Variants in SEMA5A observed in about 807,000 individuals in gnomAD.
SEMA5A encodes semaphorin-5A.
SEMA5A carries 55 observed loss-of-function variants against 135.5 expected under a neutral mutation model. The ratio of observed to expected loss-of-function variants is 0.41; its 90% CI spans 0.33 to 0.51. SEMA5A has a LOEUF of 0.51. Among genes scored for constraint, SEMA5A ranks in the 20% least tolerant of loss-of-function variants. The pLI is 0.37. For synonymous variants in SEMA5A, 580 were observed against 546.5 expected, an observed-to-expected ratio of 1.06 and a Z score of -0.85; for missense variants, 1,290 against 1,419.9, an observed-to-expected ratio of 0.91 and a Z score of 1.47.
At chr5:9,174,779 C>A (rs182947869) in intron 11 of SEMA5A, among the ~76,000 whole-genome samples, 1 of 152,342 alleles carries the variant, frequency 6.6e-6, no homozygotes, top group Non-Finnish European at 1.5e-5. Context: ...AGCTGTGCTT[C>A]CACTTTGCAC....
At chr5:9,356,280 C>T (rs1359224055) in intron 3 of SEMA5A, among the ~76,000 whole-genome samples, 7 of 152,142 alleles carry the variant, frequency 4.6e-5, no homozygotes, top group Admixed American at 6.5e-5. Context: ...AGTCAACCCA[C>T]GTTCCGTATA....
intron 3 of SEMA5A, among the ~76,000 whole-genome samples, chr5:9,374,576 A>G (rs1399306671): frequency 2.0e-5 from 3 of 152,040 alleles, no homozygotes; most frequent in African/African-American, 7.3e-5. Flanking sequence ...CAGCTGTAAC[A>G]TGAGCCATTT....
chr5:9,253,086 C>G (rs145464194), intron 5 of SEMA5A, among the ~76,000 whole-genome samples: 18 of 152,276 alleles, frequency 1.2e-4, no homozygotes, highest in African/African-American at 4.1e-4. Flanking sequence ...ACATTCCTCC[C>G]TATGCTATCA....
intron 12 of SEMA5A, among the ~76,000 whole-genome samples, chr5:9,149,056 G>C (rs937437412): frequency 7.9e-5 from 12 of 152,142 alleles, no homozygotes; most frequent in Non-Finnish European, 1.3e-4. Context: ...TGGGACAAGG[G>C]ATGTGGTGAG....
chr5:9,393,508 A>G (rs1756255618), intron 2 of SEMA5A, among the ~76,000 whole-genome samples: 1 of 152,224 alleles, frequency 6.6e-6, no homozygotes, highest in Non-Finnish European at 1.5e-5. Context: ...TCGCTCCACC[A>G]TTAACCTTAT....
intron 16 of SEMA5A, among the ~76,000 whole-genome samples, chr5:9,082,357 C>G (rs1296874141): frequency 6.6e-6 from 1 of 152,170 alleles, no homozygotes; most frequent in African/African-American, 2.4e-5. Context: ...TCCTTTAACA[C>G]TGTTGGTAGG....
At chr5:9,340,519 T>A (rs1224880292) in intron 3 of SEMA5A, among the ~76,000 whole-genome samples, 1 of 152,174 alleles carries the variant, frequency 6.6e-6, no homozygotes, top group Admixed American at 6.5e-5. Context: ...GAGACATACA[T>A]CAGGTTTTGG....
chr5:9,208,410 T>C (rs1467643959), intron 8 of SEMA5A, among the ~76,000 whole-genome samples: 2 of 152,162 alleles, frequency 1.3e-5, no homozygotes, highest in African/African-American at 2.4e-5. Context: ...TGGGTGCTCC[T>C]TAGTAAACTG....
chr5:9,307,378 T>G (rs1222027207), intron 5 of SEMA5A, among the ~76,000 whole-genome samples: 12 of 152,174 alleles, frequency 7.9e-5, no homozygotes. Flanking sequence ...TCTACCCATC[T>G]CTGTGACAGT....
At chr5:9,520,602 T>C (rs10050788) in intron 1 of SEMA5A, among the ~76,000 whole-genome samples, 4,676 of 152,256 alleles carry the variant, frequency 0.031, 245 homozygotes, top group African/African-American at 0.11. Flanking sequence ...CCATATTTTA[T>C]ACTCTCCCAG....
intron 6 of SEMA5A, among the ~76,000 whole-genome samples, chr5:9,227,854 T>G (rs538456548): frequency 1.3e-5 from 2 of 152,344 alleles, no homozygotes; most frequent in East Asian, 3.9e-4. Flanking sequence ...CCGGCCTGTA[T>G]AGGCATTTTT....
chr5:9,540,873 A>G (rs1269081762), intron 1 of SEMA5A, among the ~76,000 whole-genome samples: 1 of 152,162 alleles, frequency 6.6e-6, no homozygotes, highest in African/African-American at 2.4e-5. Flanking sequence ...TTGTTTTTAC[A>G]GAAAGAAAAG....
intron 5 of SEMA5A, among the ~76,000 whole-genome samples, chr5:9,252,074 A>C (rs905318721): frequency 6.6e-6 from 1 of 152,200 alleles, no homozygotes; most frequent in African/African-American, 2.4e-5. Context: ...AGGATCTCCC[A>C]GATTCCTAAT....
intron 1 of SEMA5A, among the ~76,000 whole-genome samples, chr5:9,456,885 G>A (rs528854279): frequency 6.6e-6 from 1 of 152,120 alleles, no homozygotes; most frequent in East Asian, 1.9e-4. Context: ...GGATCAAACA[G>A]AGAGATCAGA....
chr5:9,349,479 A>C (rs1579389326), intron 3 of SEMA5A, among the ~76,000 whole-genome samples: 1 of 152,356 alleles, frequency 6.6e-6, no homozygotes, highest in African/African-American at 2.4e-5. Context: ...AAACTGAAGA[A>C]GATAAATACT....
chr5:9,187,030 T>A (rs1460570899), intron 11 of SEMA5A, among the ~76,000 whole-genome samples: 1 of 152,170 alleles, frequency 6.6e-6, no homozygotes, highest in Admixed American at 6.6e-5. Flanking sequence ...ATGTAACTAC[T>A]GGGGCTAGTT....
rs534076799 is a variant in SEMA5A at position 9,049,213 on chromosome 5, A to G, written c.2893+1197T>C. On this transcript the variant is annotated intron_variant, in intron 21 of 22. Transcript: ENST00000382496. ...GTCTCATTCTGTCGCCCAGGCTGGAATGCAGTGGCACGATCTCAGCTCACT... is the reference window on the plus strand; with the variant it reads ...GTCTCATTCTGTCGCCCAGGCTGGAGTGCAGTGGCACGATCTCAGCTCACT... Among the ~76,000 whole-genome samples the G allele has an allele frequency of 1.6e-4, 24 of 152,142 alleles. No individual in the cohort carries two copies. The East Asian group carries it at 4.5e-3, about 28-fold the overall frequency.
At chr5:9,415,988 C>T (rs536782818) in intron 2 of SEMA5A, among the ~76,000 whole-genome samples, 1 of 152,260 alleles carries the variant, frequency 6.6e-6, no homozygotes, top group African/African-American at 2.4e-5. Context: ...GCTTTAAAGT[C>T]GCACTCACTC....
At chr5:9,220,366 G>GA (rs1746868589) in intron 8 of SEMA5A, among the ~76,000 whole-genome samples, 1 of 150,792 alleles carries the variant, frequency 6.6e-6, no homozygotes, top group East Asian at 1.9e-4. Context: ...AGAAAACTAA[G>GA]AAAAAACAAC....
Sources: allele counts gnomAD v4.1 joint callset (sites outside exome capture counted in the v4.1 genomes callset), GRCh38; gene constraint gnomAD v4.1.1; transcripts MANE v1.5; gene names NCBI Gene and HGNC (gene_info 2026-07-23, HGNC 2026-07-21).